The following PCDHGB7 variants were observed in gnomAD, a reference collection of about 807,000 sequenced individuals.
PCDHGB7 encodes protocadherin gamma subfamily B, 7.
A neutral mutation model predicts 61.4 loss-of-function variants in PCDHGB7; 37 were observed. That is an observed-to-expected ratio of 0.60 (90% CI 0.46 to 0.79). PCDHGB7 has a LOEUF of 0.79. Ranked by LOEUF, PCDHGB7 falls within the 30% of genes least tolerant of loss-of-function variation. The pLI, the probability that PCDHGB7 is intolerant of heterozygous loss-of-function variation, is 0.00. For missense variants in PCDHGB7, 1,166 were observed against 1,202.5 expected (o/e 0.97, Z 0.45); for synonymous variants, 464 against 503.5 (o/e 0.92, Z 1.05).
chr5:141,444,377 G>A (rs1035830834), intron 1 of PCDHGB7, among the ~76,000 whole-genome samples: 3 of 151,802 alleles, frequency 2.0e-5, no homozygotes, highest in Non-Finnish European at 4.4e-5. Context: ...CTCCATGTTG[G>A]TCAGGCTAGT....
chr5:141,505,334 G>T, intron 2 of PCDHGB7, 59 bp from the exon 3 acceptor site: 1 of 1,611,326 alleles, frequency 6.2e-7, no homozygotes, highest in Non-Finnish European at 8.5e-7. Context: ...GAGAGGACAG[G>T]AGGGGCATGA....
Position 141,491,620 on chromosome 5 carries a change from A to C in PCDHGB7, c.2416-3187A>C. On this transcript the variant is annotated intron_variant, in intron 1 of 3. Coordinates refer to ENST00000398594, the MANE Select transcript of PCDHGB7 (RefSeq NM_018927.4). This position sits in a 1 kb window ranked among gnomAD's most constrained non-coding sequence, Gnocchi z 6.9. ...TGACTTCACTTTTCTAAGACCCCTC[A>C]GCGTTCAGCAGCCCACAGCTCTGGC... is the stretch of plus-strand genomic sequence containing the variant. 6.2e-7 allele frequency: 1 copy of C among 1,613,906 alleles called. No individual in the cohort carries two copies. The highest frequency in any genetic ancestry group is 1.1e-5 in the South Asian group (1 of 91,084).
chr5:141,429,387 TAA>T (rs11410533), intron 1 of PCDHGB7, among the ~76,000 whole-genome samples: 155 of 151,446 alleles, frequency 1.0e-3, no homozygotes, highest in African/African-American at 3.5e-3. Flanking sequence ...GTTTTTTTTT[TAA>T]AAAAAATTGA....
At chr5:141,478,443 C>T (rs2099456258) in intron 1 of PCDHGB7, 3 of 1,613,494 alleles carry the variant, frequency 1.9e-6, no homozygotes, top group Admixed American at 1.7e-5. Flanking sequence ...CTGAAGAAAC[C>T]TGGTGCAGCC....
intron 1 of PCDHGB7, among the ~76,000 whole-genome samples, chr5:141,481,245 T>C (rs1362728826): frequency 6.6e-6 from 1 of 152,194 alleles, no homozygotes; most frequent in East Asian, 1.9e-4. Context: ...TTACATAGCA[T>C]AGCTCTAAAA....
chr5:141,419,971 C>T lies in PCDHGB7; in HGVS notation c.2112C>T (p.Leu704=), dbSNP rs1254783575. Residue 704 remains leucine (L), a synonymous_variant, in exon 1 of 4, where the codon CTC becomes CTT. Transcript: ENST00000398594. ...TGGCCTTGATTTCTGTGCTCTTTCT[C>T]CTCGCGGTGATTCTAGCTATTGCTC... ...VALALISVLF[L]LAVILAIALR... 1.2e-6 allele frequency: 2 copies of T among 1,613,942 alleles called. No homozygotes were observed. The highest frequency in any genetic ancestry group is 2.7e-5 in the African/African-American group (2 of 74,944).
chr5:141,486,253 C>G lies in PCDHGB7; in HGVS notation c.2416-8554C>G. On this transcript the variant is annotated intron_variant, in intron 1 of 3. Coordinates refer to ENST00000398594, the MANE Select transcript of PCDHGB7 (RefSeq NM_018927.4). The surrounding 1 kb of genome is among the most constrained non-coding windows in gnomAD (Gnocchi z 5.0). Reference sequence around the variant, plus strand: ...TGACCTCAGAGCTTGGAACCCTCCCCGAGAGTGCAGAACCTGGCACTGTGG... The same window carrying G: ...TGACCTCAGAGCTTGGAACCCTCCCGGAGAGTGCAGAACCTGGCACTGTGG... The G allele has an allele frequency of 6.2e-7, 1 of 1,614,138 alleles. No homozygotes were observed. Among genetic ancestry groups the G allele is most frequent in the East Asian group, 2.2e-5 (1 of 44,866 alleles).
In PCDHGB7 at chr5:141,476,499, TC is replaced by T; in HGVS notation, c.2416-18307del. 1 of 1,614,110 alleles carries T rather than the reference TC, an allele frequency of 6.2e-7. No individual in the cohort carries two copies. Among genetic ancestry groups the T allele is most frequent in the Non-Finnish European group, 8.5e-7 (1 of 1,180,020 alleles). ...AGCGTGGAAGTGGTGATCCAGGACATCAACGACAACAATCCTGCTTTCCCTA... is the reference window on the plus strand; with the variant it reads ...AGCGTGGAAGTGGTGATCCAGGACATAACGACAACAATCCTGCTTTCCCTA... On this transcript the variant is annotated intron_variant, in intron 1 of 3. Transcript: ENST00000398594. The surrounding 1 kb of genome is among the most constrained non-coding windows in gnomAD (Gnocchi z 7.6).
intron 2 of PCDHGB7, among the ~76,000 whole-genome samples, chr5:141,504,926 TGGTG>T (rs1312481961): frequency 1.3e-5 from 2 of 151,946 alleles, no homozygotes; most frequent in Non-Finnish European, 2.9e-5. Context: ...GGCTCTCTCA[TGGTG>T]GGTGGGGGAA....
chr5:141,430,033 C>T (rs556099456), intron 1 of PCDHGB7, among the ~76,000 whole-genome samples: 1 of 152,066 alleles, frequency 6.6e-6, no homozygotes, highest in Non-Finnish European at 1.5e-5. Context: ...AAGTGTGATT[C>T]TGATAATGTA....
intron 1 of PCDHGB7, chr5:141,471,339 C>G (rs537413312): frequency 2.6e-5 from 4 of 152,366 alleles, no homozygotes; most frequent in Admixed American, 2.6e-4. Context: ...GTATGATCCA[C>G]TGCGCCCGGC....
Position 141,457,874 on chromosome 5 carries a change from G to A in PCDHGB7, c.2416-36933G>A, listed in dbSNP as rs1592531610. Among the ~76,000 whole-genome samples, 7 of 152,320 alleles carry A rather than the reference G, an allele frequency of 4.6e-5. No homozygotes were observed. In the South Asian group the frequency reaches 1.5e-3, roughly 32 times the overall value. On this transcript the variant is annotated intron_variant, in intron 1 of 3. Transcript: ENST00000398594. ...ACATTCTTCACTGACCACAGGTTAGGAACCCTGTGTGGGGACTGTGTAGAC... is the reference window on the plus strand; with the variant it reads ...ACATTCTTCACTGACCACAGGTTAGAAACCCTGTGTGGGGACTGTGTAGAC...
intron 1 of PCDHGB7, chr5:141,427,490 T>C (rs752745429): frequency 1.8e-6 from 1 of 551,082 alleles, no homozygotes; most frequent in Non-Finnish European, 3.5e-6. Flanking sequence ...ACTATAAGCT[T>C]GTAACAGATG....
intron 2 of PCDHGB7, among the ~76,000 whole-genome samples, chr5:141,503,940 C>G (rs890249753): frequency 6.6e-6 from 1 of 152,218 alleles, no homozygotes; most frequent in Non-Finnish European, 1.5e-5. Flanking sequence ...TTCATGCCTT[C>G]AAGGCCTACC....
chr5:141,511,007 G>A lies in PCDHGB7; in HGVS notation c.2624G>A (p.Arg875His), dbSNP rs780918754. The change falls in exon 4 of 4, where the codon CGC becomes CAC. Residue 875 changes from arginine to histidine, a missense_variant. Physicochemically the swap from Arg to His is conservative, Grantham distance 29 (BLOSUM62 0). Transcript: ENST00000398594. ...GCCGGCACCATGGGATTGAGCGCCC[G>A]CTACGGACCCCAGTTCACCCTGCAG... is the stretch of plus-strand genomic sequence containing the variant. ...GGAGTMGLSA[R>H]YGPQFTLQHV... 1.9e-6 allele frequency: 3 copies of A among 1,614,158 alleles called. No individual in the cohort carries two copies. Among genetic ancestry groups the A allele is most frequent in the East Asian group, 4.5e-5 (2 of 44,890 alleles).
At chr5:141,502,525 G>A (rs1258704254) in intron 2 of PCDHGB7, among the ~76,000 whole-genome samples, 1 of 152,074 alleles carries the variant, frequency 6.6e-6, no homozygotes, top group Non-Finnish European at 1.5e-5. Flanking sequence ...CAGTGATGCC[G>A]AGTTTGTTCG....
chr5:141,491,726 C>T lies in PCDHGB7; in HGVS notation c.2416-3081C>T. On this transcript the variant is annotated intron_variant, in intron 1 of 3. Transcript: ENST00000398594. This position sits in a 1 kb window ranked among gnomAD's most constrained non-coding sequence, Gnocchi z 6.9. ...GTGAGGGGCTCGGCGCCGCCCCGGG[C>T]GACCCCTGGGGGCGGCACTGGAGAA... The T allele has an allele frequency of 6.2e-7, 1 of 1,605,884 alleles. No individual in the cohort carries two copies. Among genetic ancestry groups the T allele is most frequent in the East Asian group, 2.2e-5 (1 of 44,600 alleles).
chr5:141,433,140 C>T (rs1394486228), intron 1 of PCDHGB7: 4 of 1,613,948 alleles, frequency 2.5e-6, no homozygotes, highest in African/African-American at 1.3e-5. Flanking sequence ...CTTTTGCTGT[C>T]AGGTGATTCG....
chr5:141,481,053 A>T (rs2099530801), intron 1 of PCDHGB7, among the ~76,000 whole-genome samples: 1 of 152,104 alleles, frequency 6.6e-6, no homozygotes, highest in Non-Finnish European at 1.5e-5. Flanking sequence ...GCGAGACTCC[A>T]CCTCAAAAAC....
Sources: allele counts gnomAD v4.1 joint callset (sites outside exome capture counted in the v4.1 genomes callset), GRCh38; gene constraint gnomAD v4.1.1; non-coding constraint Gnocchi (gnomAD v3.1); transcripts MANE v1.5; gene names NCBI Gene and HGNC (gene_info 2026-07-23, HGNC 2026-07-21).